SRI: variants seen among roughly 807,000 people sequenced by gnomAD.
SRI encodes sorcin, also known as 22 kDa protein.
A neutral mutation model predicts 33.3 loss-of-function variants in SRI; 30 were observed. That is an observed-to-expected ratio of 0.90 (90% CI 0.67 to 1.22). The LOEUF is 1.22. Among genes scored for constraint, SRI ranks in the 50% most tolerant of loss-of-function variants. SRI has a pLI of 0.00. For synonymous variants in SRI, 75 were observed against 89.9 expected, an observed-to-expected ratio of 0.83 and a Z score of 0.94; for missense variants, 243 against 250.8, an observed-to-expected ratio of 0.97 and a Z score of 0.21.
chr7:88,225,055 G>A (rs529528377), intron 1 of SRI, among the ~76,000 whole-genome samples: 44 of 152,262 alleles, frequency 2.9e-4, no homozygotes, highest in African/African-American at 9.6e-4. Flanking sequence ...CTACTTGCCT[G>A]GAATAGGCAT....
In SRI at chr7:88,206,519, A is replaced by G. The variant is rs150192179; in HGVS notation, c.571-15T>C. ...CATTGAATGAACTGAAAGAAAAATC[A>G]GCATTATATGACAGACCTCAAAGCA... is the stretch of plus-strand genomic sequence containing the variant. On this transcript the variant is annotated splice_polypyrimidine_tract_variant and intron_variant, in intron 7 of 7. Coordinates refer to ENST00000265729, the MANE Select transcript of SRI (RefSeq NM_003130.4). 4 of 1,613,780 alleles carry G rather than the reference A, an allele frequency of 2.5e-6. No individual in the cohort carries two copies. The Admixed American group carries it at 6.7e-5, about 27-fold the overall frequency.
Position 88,215,445 on chromosome 7 carries a change from T to C in SRI, c.205+1677A>G, listed in dbSNP as rs1586717560. On this transcript the variant is annotated intron_variant, in intron 3 of 7. Transcript: ENST00000265729. Reference sequence around the variant, plus strand: ...GCCATGCTGTGATCTCACTGCACTTTGATAAACCCTGCTAATAGGCAGGCC... The same window carrying C: ...GCCATGCTGTGATCTCACTGCACTTCGATAAACCCTGCTAATAGGCAGGCC... Among the ~76,000 whole-genome samples the C allele has an allele frequency of 3.3e-5, 5 of 152,368 alleles. 1 individual carries two copies. The highest frequency in any genetic ancestry group is 3.3e-4 in the Admixed American group (5 of 15,312).
upstream of SRI, chr7:88,220,139 G>C: frequency 7.4e-7 from 1 of 1,346,790 alleles, no homozygotes; most frequent in Non-Finnish European, 9.5e-7. Context: ...GCGGGCGTGG[G>C]GGACGCGCTC....
upstream of SRI, among the ~76,000 whole-genome samples, chr7:88,223,745 G>A (rs776685959): frequency 2.6e-5 from 4 of 152,152 alleles, no homozygotes; most frequent in Non-Finnish European, 5.9e-5. Flanking sequence ...TAGGAGGTGG[G>A]TCAGATTTGG....
At chr7:88,226,833 T>A in intron 1 of SRI, 1 of 1,501,258 alleles carries the variant, frequency 6.7e-7, no homozygotes, top group Middle Eastern at 1.7e-4. Context: ...AGGAACTTTC[T>A]TATTCCTGAT....
chr7:88,216,877 C>A, intron 3 of SRI: 1 of 534,340 alleles, frequency 1.9e-6, no homozygotes, highest in Non-Finnish European at 3.3e-6. Context: ...TGGCTTCAAG[C>A]GATCCTCCTG....
At chr7:88,212,468 G>C (rs1851602910) in intron 3 of SRI, among the ~76,000 whole-genome samples, 1 of 152,196 alleles carries the variant, frequency 6.6e-6, no homozygotes, top group South Asian at 2.1e-4. Context: ...AGCTTTAAAA[G>C]ATTCTGATAC....
chr7:88,210,017 G>A lies in SRI; in HGVS notation c.363C>T (p.Asp121=), dbSNP rs748715794. The A allele has an allele frequency of 1.9e-6, 3 of 1,613,994 alleles. No homozygotes were observed. Among genetic ancestry groups the A allele is most frequent in the Admixed American group, 3.3e-5 (2 of 59,994 alleles). ...TCAGGGCCTTCTGCAATTCTTGTGGGTCTACTGTTCCACTCCTGTCAGTGT... is the reference window on the plus strand; with the variant it reads ...TCAGGGCCTTCTGCAATTCTTGTGGATCTACTGTTCCACTCCTGTCAGTGT... The part of the protein sequence containing the change: ...SFDTDRSGTV[D]PQELQKALTT... Residue 121 remains aspartate (D), a synonymous_variant, in exon 5 of 8, where the codon GAC becomes GAT. Coordinates refer to ENST00000265729, the MANE Select transcript of SRI (RefSeq NM_003130.4).
intron 1 of SRI, among the ~76,000 whole-genome samples, chr7:88,226,732 A>G (rs556548925): frequency 3.9e-5 from 6 of 152,336 alleles, no homozygotes; most frequent in African/African-American, 1.4e-4. Context: ...TCTTTTCCAT[A>G]GCTGGGAAAT....
rs1236926694 is a variant in SRI, at chr7:88,210,941, AAG to A, written c.206-18_206-17del. ...AGGTTAAAAGCTGTTAAATCAAGAA[AAG>A]TACATACATATTAACACAAATCCAA... On this transcript the variant is annotated splice_polypyrimidine_tract_variant and intron_variant, in intron 3 of 7. Transcript: ENST00000265729. 6.2e-7 allele frequency: 1 copy of A among 1,611,136 alleles called. No homozygotes were observed. The highest frequency in any genetic ancestry group is 1.7e-5 in the Admixed American group (1 of 59,984).
At chr7:88,219,828 A>T (rs1851839331) in intron 1 of SRI, 148 bp downstream of exon 1, 4 of 975,148 alleles carry the variant, frequency 4.1e-6, no homozygotes, top group Non-Finnish European at 5.9e-6. Flanking sequence ...GCCTAGGGCG[A>T]GGCCGCGAGC....
chr7:88,226,360 A>G (rs1173696041), intron 1 of SRI, among the ~76,000 whole-genome samples: 1 of 152,178 alleles, frequency 6.6e-6, no homozygotes, highest in Non-Finnish European at 1.5e-5. Context: ...GCCCATCCCC[A>G]TTCGCATCTC....
chr7:88,222,929 C>T (rs1851921644), upstream of SRI, among the ~76,000 whole-genome samples: 1 of 151,936 alleles, frequency 6.6e-6, no homozygotes, highest in African/African-American at 2.4e-5. Context: ...CCATTCAGGA[C>T]ATAGGCATGG....
upstream of SRI, among the ~76,000 whole-genome samples, chr7:88,224,062 A>G (rs964451482): frequency 1.3e-5 from 2 of 152,230 alleles, no homozygotes; most frequent in African/African-American, 2.4e-5. Context: ...CCTGCTGTTT[A>G]CAGAAGAAAA....
intron 4 of SRI, chr7:88,210,558 C>T: frequency 2.6e-6 from 1 of 385,540 alleles, no homozygotes; most frequent in East Asian, 5.8e-5. Flanking sequence ...TACCTAAACT[C>T]AGTCCAACAA....
At chr7:88,219,835 G>C in intron 1 of SRI, 141 bp downstream of exon 1, 1 of 1,038,458 alleles carries the variant, frequency 9.6e-7, no homozygotes, top group Non-Finnish European at 1.4e-6. Context: ...GCGAGGCCGC[G>C]AGCGCAGGGA....
At chr7:88,221,759 A>G (rs1383546567), upstream of SRI, among the ~76,000 whole-genome samples, 1 of 151,760 alleles carries the variant, frequency 6.6e-6, no homozygotes, top group Non-Finnish European at 1.5e-5. Context: ...ACATATGTAT[A>G]CATGTGCCAT....
chr7:88,226,673 A>G (rs920071336), intron 1 of SRI, among the ~76,000 whole-genome samples: 10 of 152,216 alleles, frequency 6.6e-5, no homozygotes, highest in Non-Finnish European at 1.3e-4. Context: ...TCTTAATTAA[A>G]ATAAGATATC....
chr7:88,212,194 T>A (rs1440509303), intron 3 of SRI, among the ~76,000 whole-genome samples: 2 of 152,244 alleles, frequency 1.3e-5, no homozygotes, highest in Admixed American at 6.5e-5. Context: ...CAGTGCAAAC[T>A]ATAGGTTTTA....
Sources: allele counts gnomAD v4.1 joint callset (sites outside exome capture counted in the v4.1 genomes callset), GRCh38; gene constraint gnomAD v4.1.1; transcripts MANE v1.5; gene names NCBI Gene and HGNC (gene_info 2026-07-23, HGNC 2026-07-21).